Variants in MOSPD1 observed in about 807,000 individuals in gnomAD.
MOSPD1 encodes motile sperm domain containing 1.
A neutral mutation model predicts 16.7 loss-of-function variants in MOSPD1; 5 were observed. The ratio of observed to expected loss-of-function variants is 0.30; its 90% CI spans 0.16 to 0.63. The LOEUF (loss-of-function observed/expected upper bound fraction) is 0.63, where lower values mean the gene tolerates loss of function less well. Ranked by LOEUF, MOSPD1 falls within the 30% of genes least tolerant of loss-of-function variation. MOSPD1 has a pLI of 0.82. For missense variants in MOSPD1, 104 were observed against 153.6 expected (o/e 0.68, Z 1.71); for synonymous variants, 67 against 59.2 (o/e 1.13, Z -0.61).
intron 5 of MOSPD1, 32 bp from the exon 6 acceptor site, chrX:134,889,224 G>A (rs2082849584): frequency 9.0e-7 from 1 of 1,111,546 alleles, no homozygotes; most frequent in African/African-American, 1.8e-5. Context: ...ACAGTTAAAG[G>A]TATGCACCTA....
At chrX:134,891,421 C>G in intron 5 of MOSPD1, 58 bp downstream of exon 5, 1 of 1,096,827 alleles carries the variant, frequency 9.1e-7, no homozygotes, top group Non-Finnish European at 1.2e-6. Context: ...CCACCACCAC[C>G]CTACCACACA....
At chrX:134,910,509 C>T (rs1456257951) in intron 1 of MOSPD1, among the ~76,000 whole-genome samples, 1 of 111,715 alleles carries the variant, frequency 9.0e-6, no homozygotes, top group Non-Finnish European at 1.9e-5. Flanking sequence ...AATATTTTGT[C>T]AGCCTTCCAA....
At chrX:134,905,580 T>TA (rs1451793768) in intron 1 of MOSPD1, among the ~76,000 whole-genome samples, 1 of 110,140 alleles carries the variant, frequency 9.1e-6, no homozygotes. Context: ...AAAAATTAAG[T>TA]AACAACTCTA....
chrX:134,893,761 T>C lies in MOSPD1; in HGVS notation c.449-2121A>G, dbSNP rs548631063. Among the ~76,000 whole-genome samples the C allele has an allele frequency of 1.3e-4, 14 of 111,857 alleles. No individual in the cohort carries two copies. In the South Asian group the frequency reaches 5.2e-3, roughly 41 times the overall value. ...TTCTATGACAATGTATAAGCATTCA[T>C]CATTCTATCAGATCCTTGTAAATGT... On this transcript the variant is annotated intron_variant, in intron 4 of 5. Transcript: ENST00000370783.
At chrX:134,912,893 T>C (rs2082979832) in intron 1 of MOSPD1, among the ~76,000 whole-genome samples, 1 of 105,527 alleles carries the variant, frequency 9.5e-6, no homozygotes, top group South Asian at 4.3e-4. Context: ...GAGCCGAGAT[T>C]GTGCCACTGC....
intron 1 of MOSPD1, among the ~76,000 whole-genome samples, chrX:134,913,298 C>T (rs2082982563): frequency 9.0e-6 from 1 of 111,065 alleles, no homozygotes; most frequent in African/African-American, 3.3e-5. Flanking sequence ...CGCTTGAGCC[C>T]AGGAGGCAAA....
At chrX:134,894,485 A>G (rs1181395110) in intron 4 of MOSPD1, among the ~76,000 whole-genome samples, 1 of 112,124 alleles carries the variant, frequency 8.9e-6, no homozygotes, top group Non-Finnish European at 1.9e-5. Context: ...TTAGTTCAGA[A>G]AAACTTAAAA....
At chrX:134,912,640 T>C (rs1198692060) in intron 1 of MOSPD1, among the ~76,000 whole-genome samples, 2 of 98,760 alleles carry the variant, frequency 2.0e-5, no homozygotes, top group Non-Finnish European at 4.3e-5. Flanking sequence ...TATGTTCAGC[T>C]AATCAAAAAA....
At chrX:134,891,692 A>C in intron 4 of MOSPD1, 52 bp from the exon 5 acceptor site, 1 of 1,141,348 alleles carries the variant, frequency 8.8e-7, no homozygotes, top group Non-Finnish European at 1.2e-6. Context: ...TTAAGACAAA[A>C]GTTCCTTCAC....
chrX:134,892,902 A>C (rs1174626556), intron 4 of MOSPD1, among the ~76,000 whole-genome samples: 4 of 111,268 alleles, frequency 3.6e-5, no homozygotes, highest in Non-Finnish European at 7.5e-5. Context: ...AAAAAAACAA[A>C]ACAAAAAAGA....
chrX:134,905,416 T>C lies in MOSPD1; in HGVS notation c.-101-5882A>G, dbSNP rs1387721227. On this transcript the variant is annotated intron_variant, in intron 1 of 5. Transcript: ENST00000370783. ...GAGATAAGAATATGTAAACCTATTA[T>C]CTTGGATATGGGTGAAATTCTTTGG... is the stretch of plus-strand genomic sequence containing the variant. Among the ~76,000 whole-genome samples, 3 of 107,829 alleles carry C rather than the reference T, an allele frequency of 2.8e-5. No homozygotes were observed. The Admixed American group carries it at 3.0e-4, about 11-fold the overall frequency. 93.6% of individuals were successfully genotyped at this position (107,829 alleles called of 115,157 possible).
At chrX:134,912,127 C>T (rs758647125) in intron 1 of MOSPD1, among the ~76,000 whole-genome samples, 3 of 111,001 alleles carry the variant, frequency 2.7e-5, no homozygotes, top group Non-Finnish European at 5.7e-5. Flanking sequence ...CTTGGCTCAC[C>T]GCAACCTCTG....
chrX:134,914,446 G>T (rs906836849), intron 1 of MOSPD1, among the ~76,000 whole-genome samples: 2 of 111,100 alleles, frequency 1.8e-5, no homozygotes, highest in Admixed American at 9.6e-5. Context: ...CCCAGCCCAC[G>T]TCCCCACACC....
chrX:134,914,842 C>G (rs916709361), intron 1 of MOSPD1, among the ~76,000 whole-genome samples: 3 of 112,758 alleles, frequency 2.7e-5, no homozygotes, highest in Non-Finnish European at 5.6e-5. Context: ...CGAGCCGCAT[C>G]CCCGGGGCAA....
At chrX:134,914,281 G>A (rs1478405224) in intron 1 of MOSPD1, among the ~76,000 whole-genome samples, 1 of 111,974 alleles carries the variant, frequency 8.9e-6, no homozygotes, top group Non-Finnish European at 1.9e-5. Flanking sequence ...TTCTACTGGG[G>A]CAGATCTGCT....
chrX:134,899,543 A>T lies in MOSPD1; in HGVS notation c.-101-9T>A. 4.0e-6 allele frequency: 3 copies of T among 759,383 alleles called. No individual in the cohort carries two copies. The highest frequency in any genetic ancestry group is 3.7e-6 in the Non-Finnish European group (2 of 539,207). 62.6% of individuals were successfully genotyped at this position (759,383 alleles called of 1,213,427 possible). A position where few individuals can be genotyped will look rare whatever the true frequency, so the allele number is the denominator to read the frequency against. On this transcript the variant is annotated splice_polypyrimidine_tract_variant and intron_variant, in intron 1 of 5. Coordinates refer to ENST00000370783, the MANE Select transcript of MOSPD1 (RefSeq NM_019556.3). ...CAAAGCATTTTGGCAATCTAGAAATAGAAGGAGAAAGCGAGAAGAAAAGTG... is the reference window on the plus strand; with the variant it reads ...CAAAGCATTTTGGCAATCTAGAAATTGAAGGAGAAAGCGAGAAGAAAAGTG...
chrX:134,902,174 G>A (rs752340196), intron 1 of MOSPD1, among the ~76,000 whole-genome samples: 1 of 109,733 alleles, frequency 9.1e-6, no homozygotes, highest in South Asian at 3.9e-4. Context: ...TTGGGAGGCC[G>A]AGGCGGACAG....
chrX:134,898,453 A>G (rs1221911697), intron 3 of MOSPD1, among the ~76,000 whole-genome samples: 2 of 112,279 alleles, frequency 1.8e-5, no homozygotes, highest in Admixed American at 9.5e-5. Context: ...TTAAACAAAT[A>G]CAGTGTACTT....
intron 4 of MOSPD1, among the ~76,000 whole-genome samples, chrX:134,893,410 T>C (rs924270376): frequency 8.9e-6 from 1 of 112,268 alleles, no homozygotes; most frequent in African/African-American, 3.2e-5. Context: ...GTAGAGAACA[T>C]TTAGTATTTA....
Sources: allele counts gnomAD v4.1 joint callset (sites outside exome capture counted in the v4.1 genomes callset), GRCh38; gene constraint gnomAD v4.1.1; transcripts MANE v1.5; gene names NCBI Gene and HGNC (gene_info 2026-07-23, HGNC 2026-07-21).